The following ATF7IP2 variants were observed in gnomAD, a reference collection of about 807,000 sequenced individuals.
The protein encoded by ATF7IP2 is activating transcription factor 7 interacting protein 2.
ATF7IP2 carries 42 observed loss-of-function variants against 64.2 expected under a neutral mutation model. That is an observed-to-expected ratio of 0.65 (90% CI 0.51 to 0.85). The LOEUF (loss-of-function observed/expected upper bound fraction) is 0.85. Among genes scored for constraint, ATF7IP2 ranks in the 40% least tolerant of loss-of-function variants. The pLI is 0.00. For missense variants in ATF7IP2, 933 were observed against 784.2 expected (o/e 1.19, Z -2.27); for synonymous variants, 308 against 272.8 (o/e 1.13, Z -1.27).
chr16:10,436,848 A>C (rs960411624), intron 6 of ATF7IP2, among the ~76,000 whole-genome samples: 3 of 152,174 alleles, frequency 2.0e-5, no homozygotes, highest in Non-Finnish European at 2.9e-5. Context: ...AGAGCTGCTC[A>C]TATCAGTGGG....
At chr16:10,414,878 ATTG>A (rs1245671646) in intron 2 of ATF7IP2, among the ~76,000 whole-genome samples, 1 of 152,060 alleles carries the variant, frequency 6.6e-6, no homozygotes, top group Non-Finnish European at 1.5e-5. Flanking sequence ...AGCTGTAGTG[ATTG>A]TTATCTCTCT....
In ATF7IP2 at chr16:10,430,682, G is replaced by C. The variant is rs775313628; in HGVS notation, c.62G>C (p.Ser21Thr). The change falls in exon 5 of 14, where the codon AGT (serine) becomes ACT (threonine). Residue 21 changes from serine (S) to threonine (T), a missense_variant. Transcript: ENST00000562102. ...ILKAKKTMPL[S>T]CRKQVEMLNK... ...AAAGCCAAAAAGACAATGCCCCTAA[G>C]TTGCCGGAAGCAAGTAGAGATGCTG... 4 of 1,614,022 alleles carry C rather than the reference G, an allele frequency of 2.5e-6. No homozygotes were observed. In the East Asian group the frequency reaches 8.9e-5, roughly 36 times the overall value.
At chr16:10,409,407 T>G (rs2047706729) in intron 1 of ATF7IP2, among the ~76,000 whole-genome samples, 1 of 152,102 alleles carries the variant, frequency 6.6e-6, no homozygotes, top group East Asian at 1.9e-4. Flanking sequence ...GAAGAGGAAT[T>G]TATTATATCT....
At chr16:10,406,386 G>A (rs1213937335) in intron 1 of ATF7IP2, among the ~76,000 whole-genome samples, 12 of 152,100 alleles carry the variant, frequency 7.9e-5, no homozygotes, top group African/African-American at 2.7e-4. Context: ...GATTACAGGC[G>A]TGAACCACTG....
chr16:10,435,415 C>CTAAA (rs755479633), intron 6 of ATF7IP2, among the ~76,000 whole-genome samples: 65 of 152,224 alleles, frequency 4.3e-4, no homozygotes, highest in Non-Finnish European at 7.8e-4. Context: ...TTTCTCCAAA[C>CTAAA]TTTAGGCCAG....
chr16:10,387,143 G>A (rs975322780), intron 1 of ATF7IP2: 5 of 152,108 alleles, frequency 3.3e-5, no homozygotes, highest in Non-Finnish European at 5.9e-5. Flanking sequence ...ATTTATTGTA[G>A]CCAGTAAATG....
chr16:10,415,462 A>G (rs1349589375), intron 2 of ATF7IP2, among the ~76,000 whole-genome samples: 1 of 152,226 alleles, frequency 6.6e-6, no homozygotes, highest in Non-Finnish European at 1.5e-5. Flanking sequence ...ATCTCTCACT[A>G]TATATAAAAA....
intron 1 of ATF7IP2, among the ~76,000 whole-genome samples, chr16:10,396,839 A>T (rs1184191987): frequency 2.7e-5 from 4 of 146,174 alleles, no homozygotes; most frequent in African/African-American, 1.0e-4. Context: ...TTTTTTTTTT[A>T]AGATTTTTGT....
At chr16:10,417,651 C>G (rs1391657199) in intron 2 of ATF7IP2, among the ~76,000 whole-genome samples, 1 of 152,138 alleles carries the variant, frequency 6.6e-6, no homozygotes, top group Non-Finnish European at 1.5e-5. Context: ...CACACTCATA[C>G]TAGACAGAAA....
chr16:10,471,353 C>T (rs1425367863), intron 9 of ATF7IP2, among the ~76,000 whole-genome samples: 1 of 152,090 alleles, frequency 6.6e-6, no homozygotes, highest in East Asian at 1.9e-4. Context: ...CATGGTGAAA[C>T]CCTGTCTCTA....
chr16:10,428,280 CA>C (rs2048132178), intron 3 of ATF7IP2, among the ~76,000 whole-genome samples: 1 of 152,138 alleles, frequency 6.6e-6, no homozygotes, highest in Non-Finnish European at 1.5e-5. Context: ...ACACATATTA[CA>C]AGTCTTTTGT....
Position 10,429,735 on chromosome 16 carries a change from T to TTTTA in ATF7IP2, c.-11+723_-11+726dup, listed in dbSNP as rs1324019410. 4.3e-4 allele frequency among the ~76,000 whole-genome samples: 54 copies of TTTTA among 125,018 alleles called. No individual in the cohort carries two copies. The East Asian group carries it at 7.0e-3, about 16-fold the overall frequency. 82.0% of individuals were successfully genotyped at this position (125,018 alleles called of 152,430 possible). On this transcript the variant is annotated intron_variant, in intron 4 of 13. Coordinates refer to ENST00000562102, the MANE Select transcript of ATF7IP2 (RefSeq NM_001393719.1). ...ATTTTATTTTATTTTATTTTATTTA[T>TTTTA]TTTATTTTATTTATTTTATTTTATT... is the stretch of plus-strand genomic sequence containing the variant.
In ATF7IP2 at chr16:10,473,949, A is replaced by C; in HGVS notation, c.1509A>C (p.Ile503=). ...CTGTACAGAAGAAACTTGATTCTATAATTGATTTGACAAAAGAAGGCCTAT... is the reference window on the plus strand; with the variant it reads ...CTGTACAGAAGAAACTTGATTCTATCATTGATTTGACAAAAGAAGGCCTAT... ...VMAVQKKLDS[I]IDLTKEGLSN... is the part of the protein sequence containing the mutation. Residue 503 remains isoleucine, a synonymous_variant, in exon 12 of 14, where the codon ATA becomes ATC. Transcript: ENST00000562102. The C allele has an allele frequency of 6.4e-7, 1 of 1,574,742 alleles. No homozygotes were observed. The highest frequency in any genetic ancestry group is 8.7e-7 in the Non-Finnish European group (1 of 1,155,980).
chr16:10,417,003 A>T (rs1044853509), intron 2 of ATF7IP2, among the ~76,000 whole-genome samples: 2 of 152,200 alleles, frequency 1.3e-5, no homozygotes, highest in Non-Finnish European at 2.9e-5. Flanking sequence ...TTCTGTATCA[A>T]ATTATCTTAT....
intron 7 of ATF7IP2, among the ~76,000 whole-genome samples, chr16:10,440,123 G>A (rs2048563449): frequency 6.6e-6 from 1 of 151,964 alleles, no homozygotes; most frequent in African/African-American, 2.4e-5. Context: ...TCGCACCATT[G>A]CACGCCAGCA....
chr16:10,418,916 T>A (rs1252815187), intron 2 of ATF7IP2, among the ~76,000 whole-genome samples: 1 of 152,190 alleles, frequency 6.6e-6, no homozygotes, highest in Non-Finnish European at 1.5e-5. Context: ...CATCTGACCG[T>A]TTTGTTCAGA....
rs1252592700 is a variant in ATF7IP2, at chr16:10,477,859, A to C, written c.1550-3020A>C. Among the ~76,000 whole-genome samples the C allele has an allele frequency of 2.0e-5, 3 of 151,514 alleles. No individual in the cohort carries two copies. In the Admixed American group the frequency reaches 2.0e-4, roughly 10 times the overall value. ...TCACAAGCATACTTATACACCAATA[A>C]CAGACAAACAGAGAGCCAAATCATG... On this transcript the variant is annotated intron_variant, in intron 12 of 13. Coordinates refer to ENST00000562102, the MANE Select transcript of ATF7IP2 (RefSeq NM_001393719.1).
rs561804971 is a variant in ATF7IP2 at position 10,482,274 on chromosome 16, CT to C, written c.*34del. ...AAAGGTGTTTAATAATGATATACTACTTTTTTTTTCATATTTGTTTGTTTGC... is the reference window on the plus strand; with the variant it reads ...AAAGGTGTTTAATAATGATATACTACTTTTTTTTCATATTTGTTTGTTTGC... On this transcript the variant is annotated 3_prime_UTR_variant, in exon 14 of 14. Transcript: ENST00000562102. The C allele has an allele frequency of 5.6e-3, 8,207 of 1,459,962 alleles. 32 individuals carry two copies. The highest frequency in any genetic ancestry group is 6.6e-3 in the Non-Finnish European group (7,092 of 1,077,722). The allele number at this position is 1,459,962 out of a possible 1,614,324, so 90.4% of individuals were successfully genotyped here. A position where few individuals can be genotyped will look rare whatever the true frequency, so the allele number is the denominator to read the frequency against.
At chr16:10,468,317 G>T (rs2049659253) in intron 9 of ATF7IP2, among the ~76,000 whole-genome samples, 1 of 151,236 alleles carries the variant, frequency 6.6e-6, no homozygotes, top group Admixed American at 6.6e-5. Context: ...AATCTGCATG[G>T]AAAACTGTTG....
Sources: gnomAD v4.1 joint callset for allele counts (sites outside exome capture counted in the v4.1 genomes callset) on GRCh38, gnomAD v4.1.1 for gene constraint, MANE v1.5 for transcripts, NCBI Gene and HGNC (gene_info 2026-07-23, HGNC 2026-07-21) for gene names.